COL26A1: variants seen among roughly 807,000 people sequenced by gnomAD.
The protein encoded by COL26A1 is collagen alpha-1(XXVI) chain.
A neutral mutation model predicts 59.3 loss-of-function variants in COL26A1; 41 were observed. The observed-to-expected ratio is 0.69, with a 90% confidence interval of 0.54 to 0.90. COL26A1 has a LOEUF of 0.90. Ranked by LOEUF, COL26A1 falls within the 40% of genes least tolerant of loss-of-function variation. The pLI is 0.00. For missense variants in COL26A1, 612 were observed against 602.3 expected, an observed-to-expected ratio of 1.02 and a Z score of -0.17; for synonymous variants, 266 against 256.0, an observed-to-expected ratio of 1.04 and a Z score of -0.37.
At position 101,553,234 on chromosome 7, in the gene COL26A1, C is replaced by T. The variant is rs1795897254; in HGVS notation, c.1030-92C>T. 3 of 1,190,930 alleles carry T rather than the reference C, an allele frequency of 2.5e-6. No homozygotes were observed. In the South Asian group the frequency reaches 4.0e-5, roughly 16 times the overall value. 73.8% of individuals were successfully genotyped at this position (1,190,930 alleles called of 1,614,324 possible). ...CCAGGCCCTGCCTGCCCAGCCTGCC[C>T]CTGACTCCCTGCAGGCCCCCAGGGA... On this transcript the variant is annotated intron_variant, in intron 10 of 12. Coordinates refer to ENST00000313669, the MANE Select transcript of COL26A1 (RefSeq NM_001278563.3).
At chr7:101,374,212 C>T (rs549216252) in intron 1 of COL26A1, among the ~76,000 whole-genome samples, 10 of 152,268 alleles carry the variant, frequency 6.6e-5, no homozygotes, top group African/African-American at 1.9e-4. Flanking sequence ...AGCTTCTCTT[C>T]GGAGTCCTGT....
At chr7:101,449,220 C>T (rs1793272419) in intron 3 of COL26A1, among the ~76,000 whole-genome samples, 1 of 152,124 alleles carries the variant, frequency 6.6e-6, no homozygotes, top group Admixed American at 6.5e-5. Context: ...GTGGGCTGGC[C>T]CTGGCATAAT....
At chr7:101,441,677 G>T (rs1386046128) in intron 2 of COL26A1, among the ~76,000 whole-genome samples, 1 of 152,188 alleles carries the variant, frequency 6.6e-6, no homozygotes, top group Non-Finnish European at 1.5e-5. Flanking sequence ...GTGGATTGAA[G>T]TGAGAGTGTC....
chr7:101,404,794 C>G lies in COL26A1; in HGVS notation c.159-15183C>G, dbSNP rs375824020. 2.7e-4 allele frequency among the ~76,000 whole-genome samples: 41 copies of G among 150,876 alleles called. No individual in the cohort carries two copies. In the Middle Eastern group the frequency reaches 0.027, roughly 100 times the overall value. The stretch of plus-strand genomic sequence containing the variant: ...ATACGCGCCTGTGGTTCCAGCTACG[C>G]AGGAGGCTGAAGAGGGAGGATTGCT... On this transcript the variant is annotated intron_variant, in intron 1 of 12. Coordinates refer to ENST00000313669, the MANE Select transcript of COL26A1 (RefSeq NM_001278563.3).
At chr7:101,413,924 A>G (rs1039656372) in intron 1 of COL26A1, among the ~76,000 whole-genome samples, 1 of 152,052 alleles carries the variant, frequency 6.6e-6, no homozygotes, top group East Asian at 1.9e-4. Flanking sequence ...CTGTTCACCC[A>G]CTGCTGTGCA....
intron 2 of COL26A1, among the ~76,000 whole-genome samples, chr7:101,423,011 T>C (rs889932220): frequency 1.3e-5 from 2 of 152,122 alleles, no homozygotes; most frequent in Admixed American, 1.3e-4. Context: ...ACGCCTGCAA[T>C]TGCAGCACTT....
intron 3 of COL26A1, among the ~76,000 whole-genome samples, chr7:101,449,549 G>A (rs750856171): frequency 3.3e-5 from 5 of 152,136 alleles, no homozygotes; most frequent in African/African-American, 1.2e-4. Context: ...CCGGAGGATC[G>A]CTTGAGCCCA....
chr7:101,440,075 G>C (rs1793015591), intron 2 of COL26A1, among the ~76,000 whole-genome samples: 1 of 152,154 alleles, frequency 6.6e-6, no homozygotes, highest in African/African-American at 2.4e-5. Flanking sequence ...ATTTTAGAAA[G>C]TTTGCCTAGG....
chr7:101,381,188 C>G (rs1003220654), intron 1 of COL26A1, among the ~76,000 whole-genome samples: 4 of 152,170 alleles, frequency 2.6e-5, no homozygotes, highest in Admixed American at 1.3e-4. Context: ...TTTTTGGAGG[C>G]TCTGGGAAAG....
intron 1 of COL26A1, among the ~76,000 whole-genome samples, chr7:101,398,675 G>T (rs1791920597): frequency 6.6e-6 from 1 of 152,106 alleles, no homozygotes. Context: ...CACCCTCTCA[G>T]CCCTGCTTCC....
chr7:101,363,866 G>T (rs1168413936), intron 1 of COL26A1, among the ~76,000 whole-genome samples: 2 of 152,138 alleles, frequency 1.3e-5, no homozygotes, highest in African/African-American at 2.4e-5. Context: ...GCAGGTTCTC[G>T]GGTGGCCAAG....
At chr7:101,362,758 A>C (rs1455309876), upstream of COL26A1, 1 of 483,324 alleles carries the variant, frequency 2.1e-6, no homozygotes, top group Non-Finnish European at 3.6e-6. Flanking sequence ...CTCTGCCGCC[A>C]CTGCCGCCTC....
At chr7:101,390,091 C>T (rs866321864) in intron 1 of COL26A1, among the ~76,000 whole-genome samples, 1 of 146,886 alleles carries the variant, frequency 6.8e-6, no homozygotes, top group South Asian at 2.2e-4. Flanking sequence ...AAATCATTGC[C>T]AATCTAGTGT....
At chr7:101,437,208 G>C (rs562963889) in intron 2 of COL26A1, among the ~76,000 whole-genome samples, 1 of 152,154 alleles carries the variant, frequency 6.6e-6, no homozygotes, top group East Asian at 1.9e-4. Flanking sequence ...GGTACTTTGA[G>C]GGTGTAGATT....
intron 1 of COL26A1, among the ~76,000 whole-genome samples, chr7:101,394,869 C>CTTTT (rs61005447): frequency 1.0e-3 from 98 of 97,000 alleles, no homozygotes; most frequent in Middle Eastern, 7.1e-3. Flanking sequence ...TTTTTCTTTT[C>CTTTT]TTTTTTTTTT....
chr7:101,481,761 A>T (rs1242595465), intron 3 of COL26A1, among the ~76,000 whole-genome samples: 3 of 151,874 alleles, frequency 2.0e-5, no homozygotes, highest in Non-Finnish European at 4.4e-5. Context: ...AATTTTTGGT[A>T]TATTTTGTCC....
At chr7:101,435,985 T>C (rs565371122) in intron 2 of COL26A1, among the ~76,000 whole-genome samples, 1 of 152,258 alleles carries the variant, frequency 6.6e-6, no homozygotes, top group Admixed American at 6.5e-5. Flanking sequence ...TGGATTGAAG[T>C]GCTTTCTTAA....
chr7:101,479,579 G>A (rs568493127), intron 3 of COL26A1, among the ~76,000 whole-genome samples: 1 of 152,284 alleles, frequency 6.6e-6, no homozygotes, highest in African/African-American at 2.4e-5. Flanking sequence ...GAGCCACTAT[G>A]ATTTGGTGTC....
intron 1 of COL26A1, among the ~76,000 whole-genome samples, chr7:101,386,333 G>A (rs1408320133): frequency 1.3e-5 from 2 of 149,502 alleles, no homozygotes; most frequent in African/African-American, 2.5e-5. Context: ...GCAGTGGCAC[G>A]ATCACGGCTC....
Sources: allele counts gnomAD v4.1 joint callset (sites outside exome capture counted in the v4.1 genomes callset), GRCh38; gene constraint gnomAD v4.1.1; transcripts MANE v1.5; gene names NCBI Gene and HGNC (gene_info 2026-07-23, HGNC 2026-07-21).